The following SMURF2 variants were observed in gnomAD, a reference collection of about 807,000 sequenced individuals.
SMURF2 encodes the protein E3 ubiquitin-protein ligase SMURF2.
A neutral mutation model predicts 109.6 loss-of-function variants in SMURF2; 48 were observed. The observed-to-expected ratio is 0.44, with a 90% confidence interval of 0.35 to 0.56. The LOEUF is 0.56. Among genes scored for constraint, SMURF2 ranks in the 20% least tolerant of loss-of-function variants. The pLI, the probability that SMURF2 is intolerant of heterozygous loss-of-function variation, is 0.01. For synonymous variants in SMURF2, 288 were observed against 317.1 expected (o/e 0.91, Z 0.97); for missense variants, 575 against 909.0 (o/e 0.63, Z 4.72).
chr17:64,654,192 T>C (rs1381502514), intron 1 of SMURF2, among the ~76,000 whole-genome samples: 2 of 152,192 alleles, frequency 1.3e-5, no homozygotes, highest in African/African-American at 4.8e-5. Context: ...TCCCTAAAAA[T>C]GAATCATCGA....
chr17:64,637,923 C>CAAAAAAAAAAAAAAAAAAAAAAAA lies in SMURF2; in HGVS notation c.52+23905_52+23906insTTTTTTTTTTTTTTTTTTTTTTTT, dbSNP rs59701513. 4.2e-3 allele frequency among the ~76,000 whole-genome samples: 307 copies of CAAAAAAAAAAAAAAAAAAAAAAAA among 72,506 alleles called. 20 individuals carry two copies. Among genetic ancestry groups the CAAAAAAAAAAAAAAAAAAAAAAAA allele is most frequent in the African/African-American group, 0.01 (250 of 24,288 alleles). The allele number at this position is 72,506 out of a possible 152,430, so 47.6% of individuals were successfully genotyped here. A position where few individuals can be genotyped will look rare whatever the true frequency, so the allele number is the denominator to read the frequency against. On this transcript the variant is annotated intron_variant, in intron 1 of 18. Transcript: ENST00000262435. ...CATTGAATGGTTTTGGCGCCCTAGT[C>CAAAAAAAAAAAAAAAAAAAAAAAA]AAAAAAAAAAAAAAAAAAAATCAAC...
At chr17:64,645,959 G>C (rs1215101214) in intron 1 of SMURF2, among the ~76,000 whole-genome samples, 1 of 152,050 alleles carries the variant, frequency 6.6e-6, no homozygotes, top group Non-Finnish European at 1.5e-5. Flanking sequence ...AAGAAGTTTT[G>C]TTACAGCAAT....
At chr17:64,634,404 C>T (rs1555691903) in intron 1 of SMURF2, among the ~76,000 whole-genome samples, 1 of 152,150 alleles carries the variant, frequency 6.6e-6, no homozygotes, top group Non-Finnish European at 1.5e-5. Flanking sequence ...TAGGATGAGG[C>T]ATGTATAGAA....
At chr17:64,554,640 G>A (rs1969093827) in intron 15 of SMURF2, among the ~76,000 whole-genome samples, 1 of 152,164 alleles carries the variant, frequency 6.6e-6, no homozygotes, top group South Asian at 2.1e-4. Context: ...ACATCTTGTG[G>A]AACACCAGTG....
rs914531609 is a variant in SMURF2 at position 64,619,687 on chromosome 17, T to C, written c.53-13047A>G. The stretch of plus-strand genomic sequence containing the variant: ...TCCTGGTTTGCATACTCCCACCTTC[T>C]CCCTGTATGCTTGCATGGCCCCCAT... On this transcript the variant is annotated intron_variant, in intron 1 of 18. Coordinates refer to ENST00000262435, the MANE Select transcript of SMURF2 (RefSeq NM_022739.4). Among the ~76,000 whole-genome samples the C allele has an allele frequency of 1.7e-4, 26 of 151,996 alleles. 1 individual carries two copies. Among genetic ancestry groups the C allele is most frequent in the African/African-American group, 5.6e-4 (23 of 41,376 alleles).
At chr17:64,640,547 A>T (rs1255739105) in intron 1 of SMURF2, among the ~76,000 whole-genome samples, 1 of 152,208 alleles carries the variant, frequency 6.6e-6, no homozygotes, top group East Asian at 1.9e-4. Flanking sequence ...TAAAGCAAGG[A>T]AGTAAAATCA....
At chr17:64,629,485 C>A (rs1347168509) in intron 1 of SMURF2, among the ~76,000 whole-genome samples, 1 of 152,174 alleles carries the variant, frequency 6.6e-6, no homozygotes, top group Admixed American at 6.5e-5. Flanking sequence ...CCCTGGACAA[C>A]AGAGAGAGAC....
At chr17:64,558,602 G>A (rs1414934772) in intron 12 of SMURF2, among the ~76,000 whole-genome samples, 1 of 152,096 alleles carries the variant, frequency 6.6e-6, no homozygotes, top group Non-Finnish European at 1.5e-5. Context: ...AAATATAAGT[G>A]GGCAAGGATT....
At chr17:64,625,377 T>C (rs187438351) in intron 1 of SMURF2, among the ~76,000 whole-genome samples, 11 of 152,366 alleles carry the variant, frequency 7.2e-5, no homozygotes, top group Admixed American at 6.5e-4. Flanking sequence ...CCCAAATCAT[T>C]AACATTTTAC....
intron 1 of SMURF2, among the ~76,000 whole-genome samples, chr17:64,641,319 A>G (rs1970489991): frequency 1.3e-5 from 2 of 152,192 alleles, no homozygotes; most frequent in African/African-American, 4.8e-5. Context: ...TATCTATTAG[A>G]TTAATATATC....
At chr17:64,577,341 G>C (rs1452138396) in intron 9 of SMURF2, among the ~76,000 whole-genome samples, 1 of 151,716 alleles carries the variant, frequency 6.6e-6, no homozygotes, top group Admixed American at 6.6e-5. Flanking sequence ...ACTCATAGGT[G>C]GGAATTGAAC....
At chr17:64,593,364 T>C (rs1969774604) in intron 4 of SMURF2, 76 bp downstream of exon 4, 1 of 1,333,152 alleles carries the variant, frequency 7.5e-7, no homozygotes, top group East Asian at 2.4e-5. Flanking sequence ...TGCATGTATA[T>C]ATGTATATGC....
At chr17:64,619,768 CCCTCATGA>C (rs1263890560) in intron 1 of SMURF2, among the ~76,000 whole-genome samples, 1 of 152,028 alleles carries the variant, frequency 6.6e-6, no homozygotes, top group Non-Finnish European at 1.5e-5. Flanking sequence ...GAAGGCTCCA[CCCTCATGA>C]CCTCATTACC....
chr17:64,562,255 T>G (rs1346434481), intron 11 of SMURF2, among the ~76,000 whole-genome samples: 1 of 111,596 alleles, frequency 9.0e-6, no homozygotes, highest in African/African-American at 3.6e-5. Flanking sequence ...ATTGCGTCAC[T>G]GCACTCCAGC....
intron 1 of SMURF2, among the ~76,000 whole-genome samples, chr17:64,630,121 A>T (rs1555691463): frequency 6.6e-6 from 1 of 152,094 alleles, no homozygotes; most frequent in Non-Finnish European, 1.5e-5. Context: ...CTGTAGTCCC[A>T]GCTACTCAGG....
intron 1 of SMURF2, among the ~76,000 whole-genome samples, chr17:64,610,424 G>T (rs372589425): frequency 1.2e-3 from 184 of 152,328 alleles, no homozygotes; most frequent in African/African-American, 4.0e-3. Flanking sequence ...ATACTATGCA[G>T]CCATAAAAAA....
At chr17:64,577,714 G>A (rs941010545) in intron 9 of SMURF2, among the ~76,000 whole-genome samples, 3 of 151,628 alleles carry the variant, frequency 2.0e-5, no homozygotes, top group Non-Finnish European at 4.4e-5. Context: ...TCTTGCCTCA[G>A]CCTCCCAAGC....
chr17:64,560,973 A>AG (rs1969207113), intron 12 of SMURF2: 1 of 152,368 alleles, frequency 6.6e-6, no homozygotes, highest in Admixed American at 6.6e-5. Flanking sequence ...CTCCAAAAAA[A>AG]AAAAAAAAAA....
chr17:64,581,685 C>A lies in SMURF2; in HGVS notation c.570-694G>T, dbSNP rs112424645. 3.4e-3 allele frequency among the ~76,000 whole-genome samples: 515 copies of A among 152,268 alleles called. 1 individual carries two copies. The highest frequency in any genetic ancestry group is 0.012 in the African/African-American group (494 of 41,554). ...CATGGCAGGGTATGGTGGCTCACAC[C>A]TGTAATCCCAGCACTTTGGGAGACC... is the stretch of plus-strand genomic sequence containing the variant. On this transcript the variant is annotated intron_variant, in intron 7 of 18. Coordinates refer to ENST00000262435, the MANE Select transcript of SMURF2 (RefSeq NM_022739.4). The surrounding 1 kb of genome is among the most constrained non-coding windows in gnomAD (Gnocchi z 4.3).
Sources: allele counts gnomAD v4.1 joint callset (sites outside exome capture counted in the v4.1 genomes callset), GRCh38; gene constraint gnomAD v4.1.1; non-coding constraint Gnocchi (gnomAD v3.1); transcripts MANE v1.5; gene names NCBI Gene and HGNC (gene_info 2026-07-23, HGNC 2026-07-21).